RANBP2: variants seen among roughly 807,000 people sequenced by gnomAD.
RANBP2 encodes the protein E3 SUMO-protein ligase RanBP2.
In RANBP2, 57 loss-of-function variants were observed where a neutral mutation model predicts 303.6. The ratio of observed to expected loss-of-function variants is 0.19; its 90% CI spans 0.15 to 0.23. RANBP2 has a LOEUF of 0.23. Ranked by LOEUF, RANBP2 falls within the 10% of genes least tolerant of loss-of-function variation. The probability of loss-of-function intolerance (pLI) is 1.00; values close to 1 mark genes in which losing one functional copy is unlikely to be tolerated. For missense variants in RANBP2, 3,138 were observed against 3,780.8 expected (o/e 0.83, Z 4.46); for synonymous variants, 1,167 against 1,301.5 (o/e 0.90, Z 2.23).
rs938285362 is a variant in RANBP2, at chr2:108,751,809, T to C, written c.1632-62T>C. 1.6e-5 allele frequency: 26 copies of C among 1,611,864 alleles called. No individual in the cohort carries two copies. The African/African-American group carries it at 3.2e-4, about 20-fold the overall frequency. ...TTGTCATGTGACCCATTAACATATA[T>C]GTATGTAAGCCCTGAACTGTGTATT... On this transcript the variant is annotated intron_variant, in intron 11 of 28. Transcript: ENST00000283195.
the RANBP2 span, among the ~76,000 whole-genome samples, chr2:109,396,914 C>T: frequency 1.1e-4 from 17 of 152,378 alleles, no homozygotes; most frequent in Admixed American, 1.0e-3. Context: ...CACTGACTCA[C>T]TGCCTCTCTC....
At chr2:108,748,403 A>C (rs1395652404) in intron 8 of RANBP2, among the ~76,000 whole-genome samples, 1 of 110,784 alleles carries the variant, frequency 9.0e-6, no homozygotes, top group African/African-American at 3.2e-5. Context: ...TTGTATTTTT[A>C]GTAGAGATGG....
chr2:109,571,858 A>T, the RANBP2 span, among the ~76,000 whole-genome samples: 1 of 152,222 alleles, frequency 6.6e-6, no homozygotes, highest in Non-Finnish European at 1.5e-5. Context: ...CTGAAAATCC[A>T]CTAAGGGACT....
the RANBP2 span, chr2:109,128,999 A>G: frequency 4.7e-6 from 2 of 425,772 alleles, no homozygotes; most frequent in South Asian, 3.3e-5. Flanking sequence ...CTCGCGGCCG[A>G]GGAAGAGGAA....
the RANBP2 span, among the ~76,000 whole-genome samples, chr2:109,332,627 G>A: frequency 6.6e-6 from 1 of 152,210 alleles, no homozygotes; most frequent in African/African-American, 2.4e-5. Flanking sequence ...AGCCAGGGCT[G>A]CCCCGTGGGT....
chr2:109,615,651 G>A, the RANBP2 span: 4 of 1,613,724 alleles, frequency 2.5e-6, no homozygotes, highest in South Asian at 1.1e-5. Flanking sequence ...GAGCATCGCC[G>A]AGGAGATCAA....
chr2:109,666,838 T>C, the RANBP2 span, among the ~76,000 whole-genome samples: 8 of 152,344 alleles, frequency 5.3e-5, no homozygotes, highest in East Asian at 1.3e-3. Context: ...ACTGGATCTA[T>C]GCATCTGCTG....
At chr2:109,290,329 CTT>C in the RANBP2 span, among the ~76,000 whole-genome samples, 1 of 152,196 alleles carries the variant, frequency 6.6e-6, no homozygotes, top group Non-Finnish European at 1.5e-5. Context: ...GTAATACATA[CTT>C]ATTAGAGTAA....
the RANBP2 span, among the ~76,000 whole-genome samples, chr2:109,113,637 G>A: frequency 6.6e-6 from 1 of 152,176 alleles, no homozygotes; most frequent in Non-Finnish European, 1.5e-5. Context: ...TCCTTCTCCT[G>A]ACTAATTGCC....
the RANBP2 span, among the ~76,000 whole-genome samples, chr2:109,645,121 G>A: frequency 6.6e-6 from 1 of 152,176 alleles, no homozygotes; most frequent in Non-Finnish European, 1.5e-5. Context: ...CAGCCTGTTG[G>A]CAAAATTCTC....
the RANBP2 span, among the ~76,000 whole-genome samples, chr2:109,654,836 C>T: frequency 6.6e-6 from 1 of 151,864 alleles, no homozygotes; most frequent in Admixed American, 6.6e-5. Flanking sequence ...CTGGGTAATC[C>T]TTGGAATGTG....
At chr2:109,544,774 T>C in the RANBP2 span, 4 of 815,736 alleles carry the variant, frequency 4.9e-6, no homozygotes, top group African/African-American at 7.4e-5. Flanking sequence ...GCTTTTATAC[T>C]ATTTATTCTT....
the RANBP2 span, among the ~76,000 whole-genome samples, chr2:109,573,902 T>C: frequency 1.3e-5 from 2 of 152,194 alleles, no homozygotes; most frequent in Non-Finnish European, 2.9e-5. Context: ...TACGACAATA[T>C]CTAATGCAAC....
chr2:109,053,648 C>A, the RANBP2 span, among the ~76,000 whole-genome samples: 3 of 152,326 alleles, frequency 2.0e-5, no homozygotes, highest in East Asian at 5.8e-4. Context: ...AAGTAATAAA[C>A]CTGCTTCATG....
At chr2:108,872,226 T>C in the RANBP2 span, among the ~76,000 whole-genome samples, 2 of 152,060 alleles carry the variant, frequency 1.3e-5, no homozygotes, top group Non-Finnish European at 2.9e-5. Context: ...CTTCCCTCCT[T>C]CTCCTCCTCC....
chr2:109,079,924 T>C, the RANBP2 span, among the ~76,000 whole-genome samples: 3 of 152,310 alleles, frequency 2.0e-5, no homozygotes, highest in East Asian at 5.8e-4. Context: ...TACACGGCCA[T>C]GGGTGTGAGT....
chr2:108,880,098 A>G, the RANBP2 span, among the ~76,000 whole-genome samples: 9 of 152,162 alleles, frequency 5.9e-5, no homozygotes, highest in African/African-American at 2.2e-4. Context: ...TAAAAAACAG[A>G]AATCAATGAA....
the RANBP2 span, among the ~76,000 whole-genome samples, chr2:109,188,204 T>C: frequency 6.6e-6 from 1 of 152,232 alleles, no homozygotes; most frequent in South Asian, 2.1e-4. Context: ...CCGAAGGGCT[T>C]TCCTGCTGCA....
At chr2:109,498,888 A>G in the RANBP2 span, among the ~76,000 whole-genome samples, 2 of 152,138 alleles carry the variant, frequency 1.3e-5, no homozygotes, top group Non-Finnish European at 2.9e-5. Flanking sequence ...GGGCAGAGGG[A>G]GCAGCATATG....
Sources: allele counts gnomAD v4.1 joint callset (sites outside exome capture counted in the v4.1 genomes callset), GRCh38; gene constraint gnomAD v4.1.1; transcripts MANE v1.5; gene names NCBI Gene and HGNC (gene_info 2026-07-23, HGNC 2026-07-21).